The following R3HCC1 variants were observed in gnomAD, a reference collection of about 807,000 sequenced individuals.
The protein encoded by R3HCC1 is R3H and coiled-coil domain-containing protein 1.
In R3HCC1, 32 loss-of-function variants were observed where a neutral mutation model predicts 40.0. The ratio of observed to expected loss-of-function variants is 0.80; its 90% CI spans 0.60 to 1.07. R3HCC1 has a LOEUF of 1.07. Among genes scored for constraint, R3HCC1 ranks in the 50% least tolerant of loss-of-function variants. The probability of loss-of-function intolerance (pLI) is 0.00; values close to 1 mark genes in which losing one functional copy is unlikely to be tolerated. For synonymous variants in R3HCC1, 237 were observed against 232.8 expected (o/e 1.02, Z -0.17); for missense variants, 586 against 563.3 (o/e 1.04, Z -0.41).
chr8:23,296,264 CGTT>C lies in R3HCC1; in HGVS notation c.*171_*173del. Reference sequence around the variant, plus strand: ...GAAATGGAGAAAAAATAAAAACTCACGTTGTTCTAATGTGATCACTTTGAAATG... The same window carrying C: ...GAAATGGAGAAAAAATAAAAACTCACGTTCTAATGTGATCACTTTGAAATG... On this transcript the variant is annotated 3_prime_UTR_variant, in exon 8 of 8. Transcript: ENST00000265806. 4 of 826,356 alleles carry C rather than the reference CGTT, an allele frequency of 4.8e-6. No individual in the cohort carries two copies. The highest frequency in any genetic ancestry group is 7.1e-6 in the Non-Finnish European group (4 of 561,532). 51.2% of individuals were successfully genotyped at this position (826,356 alleles called of 1,614,324 possible). A position where few individuals can be genotyped will look rare whatever the true frequency, so the allele number is the denominator to read the frequency against.
In R3HCC1 at chr8:23,295,961, T is replaced by G. The variant is rs2117130254; in HGVS notation, c.1193-6T>G. 1 of 1,548,246 alleles carries G rather than the reference T, an allele frequency of 6.5e-7. No individual in the cohort carries two copies. The highest frequency in any genetic ancestry group is 1.2e-5 in the South Asian group (1 of 83,926). On this transcript the variant is annotated splice_region_variant and splice_polypyrimidine_tract_variant and intron_variant, in intron 7 of 7. Transcript: ENST00000265806. The stretch of plus-strand genomic sequence containing the variant: ...TTAGGTCCCCACTGTGGGGCTTTCC[T>G]TCTAGAACTCCTGCGTCTGGTGAAG...
At chr8:23,295,619 G>A (rs868475340) in intron 7 of R3HCC1, 14 of 461,794 alleles carry the variant, frequency 3.0e-5, no homozygotes, top group Middle Eastern at 4.1e-4. Context: ...TATCCTGTCC[G>A]TAGGTCTGTG....
chr8:23,295,311 G>A (rs1325379769), intron 7 of R3HCC1: 1 of 368,784 alleles, frequency 2.7e-6, no homozygotes, highest in African/African-American at 2.1e-5. Context: ...CACTCAGTGT[G>A]TGAGTTGGTT....
intron 5 of R3HCC1, 138 bp downstream of exon 5, chr8:23,291,671 C>T (rs948386604): frequency 1.5e-5 from 21 of 1,380,742 alleles, no homozygotes; most frequent in Middle Eastern, 2.6e-4. Context: ...TGCCTGGGCT[C>T]TGTATTCCTG....
In R3HCC1 at chr8:23,289,071, G is replaced by C; in HGVS notation, c.166G>C (p.Ala56Pro). The C allele has an allele frequency of 6.5e-7, 1 of 1,536,628 alleles. No homozygotes were observed. Among genetic ancestry groups the C allele is most frequent in the Non-Finnish European group, 8.7e-7 (1 of 1,147,000 alleles). The change falls in exon 3 of 8, where the codon GCA (alanine) becomes CCA (proline). Residue 56 changes from alanine to proline, a missense_variant. Coordinates refer to ENST00000265806, the MANE Select transcript of R3HCC1 (RefSeq NM_001136108.3). Reference sequence around the variant, plus strand: ...CCTCCGGTACCTGATCCATAGAACAGCAGAGAATTTTGATCTCTTGAGCAG... The same window carrying C: ...CCTCCGGTACCTGATCCATAGAACACCAGAGAATTTTGATCTCTTGAGCAG...
At position 23,290,406 on chromosome 8, in the gene R3HCC1, G is replaced by A. The variant is rs567725511; in HGVS notation, c.789G>A (p.Glu263=). The change falls in exon 4 of 8, where the codon GAG becomes GAA. Residue 263 remains glutamate, a synonymous_variant. Coordinates refer to ENST00000265806, the MANE Select transcript of R3HCC1 (RefSeq NM_001136108.3). ...TGGCAGAGGAGGAAGAGGACGAAGA[G>A]GAGGTGGAAGAGGATGGCCCCAGCA... 6.4e-6 allele frequency: 10 copies of A among 1,551,738 alleles called. No homozygotes were observed. The South Asian group carries it at 1.2e-4, about 18-fold the overall frequency.
intron 7 of R3HCC1, chr8:23,295,632 C>T: frequency 2.1e-6 from 1 of 470,840 alleles, no homozygotes; most frequent in Non-Finnish European, 4.0e-6. Flanking sequence ...GGTCTGTGAG[C>T]TCTGGGTGTT....
At chr8:23,295,305 CAG>C (rs1439979714) in intron 7 of R3HCC1, among the ~76,000 whole-genome samples, 2 of 152,162 alleles carry the variant, frequency 1.3e-5, no homozygotes, top group African/African-American at 4.8e-5. Context: ...GGAAGTCACT[CAG>C]TGTGTGAGTT....
At chr8:23,295,750 A>G (rs1181531150) in intron 7 of R3HCC1, 2 of 615,498 alleles carry the variant, frequency 3.2e-6, no homozygotes, top group Non-Finnish European at 5.6e-6. Context: ...GGGCATGTAG[A>G]GGCGACAAGT....
chr8:23,296,248 A>T lies in R3HCC1; in HGVS notation c.*151A>T. On this transcript the variant is annotated 3_prime_UTR_variant, in exon 8 of 8. Transcript: ENST00000265806. ...CTTTAGTTTAGTCCCAGAAATGGAG[A>T]AAAAATAAAAACTCACGTTGTTCTA... 1.1e-6 allele frequency: 1 copy of T among 924,966 alleles called. No homozygotes were observed. Among genetic ancestry groups the T allele is most frequent in the Non-Finnish European group, 1.5e-6 (1 of 650,176 alleles). 57.3% of individuals were successfully genotyped at this position (924,966 alleles called of 1,614,324 possible).
At chr8:23,289,773 C>T (rs372797853) in intron 3 of R3HCC1, 93 bp from the exon 4 acceptor site, 216 of 1,428,720 alleles carry the variant, frequency 1.5e-4, no homozygotes, top group Middle Eastern at 9.1e-4. Flanking sequence ...AATGCTGACC[C>T]GAATGTCTCT....
At chr8:23,294,246 C>G (rs188517072) in intron 6 of R3HCC1, among the ~76,000 whole-genome samples, 1 of 152,178 alleles carries the variant, frequency 6.6e-6, no homozygotes, top group Non-Finnish European at 1.5e-5. Context: ...CCATGGCGTT[C>G]TGATCTCCAC....
At position 23,293,835 on chromosome 8, in the gene R3HCC1, A is replaced by G. The variant is rs1802927824; in HGVS notation, c.1096+462A>G. 2.0e-5 allele frequency among the ~76,000 whole-genome samples: 3 copies of G among 152,128 alleles called. No homozygotes were observed. In the South Asian group the frequency reaches 6.2e-4, roughly 31 times the overall value. ...AGCTGGAGAGACTTAAGGGTCCCAG[A>G]GTGTCAGGGGTACACTCCAAGTTAC... is the stretch of plus-strand genomic sequence containing the variant. On this transcript the variant is annotated intron_variant, in intron 6 of 7. Coordinates refer to ENST00000265806, the MANE Select transcript of R3HCC1 (RefSeq NM_001136108.3).
chr8:23,295,499 T>TCGTG (rs1802988200), intron 7 of R3HCC1: 1 of 458,348 alleles, frequency 2.2e-6, no homozygotes, highest in African/African-American at 2.0e-5. Context: ...TTTCCATGAC[T>TCGTG]TCAAAGTAGT....
chr8:23,292,788 C>A (rs1242726046), intron 5 of R3HCC1, among the ~76,000 whole-genome samples: 1 of 152,208 alleles, frequency 6.6e-6, no homozygotes, highest in African/African-American at 2.4e-5. Context: ...CAGGCTGGGG[C>A]CGCTGTGCCT....
At chr8:23,288,750 T>C in intron 2 of R3HCC1, 117 bp downstream of exon 2, 1 of 1,277,244 alleles carries the variant, frequency 7.8e-7, no homozygotes, top group Non-Finnish European at 1.1e-6. Flanking sequence ...TGGCCTTTAG[T>C]CTTTATAACG....
At chr8:23,291,259 C>G in intron 4 of R3HCC1, 102 bp from the exon 5 acceptor site, 3 of 1,438,106 alleles carry the variant, frequency 2.1e-6, no homozygotes, top group Non-Finnish European at 2.7e-6. Flanking sequence ...AGACTTTTGC[C>G]AGGTGGGCCC....
chr8:23,295,182 G>A (rs548233958), intron 7 of R3HCC1, among the ~76,000 whole-genome samples: 80 of 152,218 alleles, frequency 5.3e-4, no homozygotes, highest in Non-Finnish European at 9.3e-4. Context: ...CCTTCTTCTG[G>A]AGGGCCCTGG....
chr8:23,293,992 C>T (rs187819175), intron 6 of R3HCC1, among the ~76,000 whole-genome samples: 7 of 152,306 alleles, frequency 4.6e-5, no homozygotes, highest in Non-Finnish European at 7.4e-5. Context: ...TATAGTTACC[C>T]GCGCCACGCC....
Sources: allele counts gnomAD v4.1 joint callset (sites outside exome capture counted in the v4.1 genomes callset), GRCh38; gene constraint gnomAD v4.1.1; transcripts MANE v1.5; gene names NCBI Gene and HGNC (gene_info 2026-07-23, HGNC 2026-07-21).